GALNT13: variants seen among roughly 807,000 people sequenced by gnomAD.
The protein encoded by GALNT13 is polypeptide N-acetylgalactosaminyltransferase 13.
Under a neutral mutation model 64.2 loss-of-function variants are expected in GALNT13, and 28 were observed. The ratio of observed to expected loss-of-function variants is 0.44; its 90% CI spans 0.32 to 0.60. The LOEUF (loss-of-function observed/expected upper bound fraction) is 0.60. Ranked by LOEUF, GALNT13 falls within the 20% of genes least tolerant of loss-of-function variation. The pLI is 0.05. For missense variants in GALNT13, 577 were observed against 669.8 expected, an observed-to-expected ratio of 0.86 and a Z score of 1.53; for synonymous variants, 214 against 224.6, an observed-to-expected ratio of 0.95 and a Z score of 0.42.
At chr2:153,912,017 C>G (rs1688974491) in intron 2 of GALNT13, among the ~76,000 whole-genome samples, 1 of 152,146 alleles carries the variant, frequency 6.6e-6, no homozygotes, top group South Asian at 2.1e-4. Flanking sequence ...TGCTTCCATT[C>G]TGCTTATCTC....
At chr2:153,101,327 A>C in the GALNT13 span, among the ~76,000 whole-genome samples, 1 of 152,004 alleles carries the variant, frequency 6.6e-6, no homozygotes, top group African/African-American at 2.4e-5. Context: ...TTGCATTTGA[A>C]AAACACACTG....
chr2:153,336,804 G>C, the GALNT13 span, among the ~76,000 whole-genome samples: 3,293 of 152,170 alleles, frequency 0.022, 133 homozygotes, highest in African/African-American at 0.073. Flanking sequence ...TGGTTTGGCT[G>C]TGTCCCCATC....
At chr2:153,380,355 T>A in the GALNT13 span, among the ~76,000 whole-genome samples, 901 of 152,230 alleles carry the variant, frequency 5.9e-3, 11 homozygotes, top group South Asian at 0.026. Context: ...ATGCTTGTAG[T>A]CCCACTGTTC....
chr2:153,073,218 T>A, the GALNT13 span, among the ~76,000 whole-genome samples: 25 of 152,258 alleles, frequency 1.6e-4, no homozygotes, highest in Non-Finnish European at 2.6e-4. Context: ...TGTCAGTAAA[T>A]TTTCAGGTTC....
the GALNT13 span, among the ~76,000 whole-genome samples, chr2:153,238,304 T>C: frequency 3.7e-4 from 57 of 152,232 alleles, no homozygotes; most frequent in African/African-American, 1.2e-3. Context: ...TTTTTGATCA[T>C]TTATTTGCTG....
At chr2:153,317,876 AT>A in the GALNT13 span, among the ~76,000 whole-genome samples, 4 of 150,734 alleles carry the variant, frequency 2.7e-5, no homozygotes, top group African/African-American at 4.9e-5. Context: ...GAAAGAGAGA[AT>A]TTTTTTTTTC....
chr2:153,721,069 G>A, the GALNT13 span, among the ~76,000 whole-genome samples: 8 of 150,020 alleles, frequency 5.3e-5, no homozygotes, highest in Admixed American at 6.6e-5. Flanking sequence ...GAGAAAGGTC[G>A]GGTTACCCAC....
chr2:153,394,517 A>G, the GALNT13 span, among the ~76,000 whole-genome samples: 3 of 152,130 alleles, frequency 2.0e-5, no homozygotes, highest in Non-Finnish European at 4.4e-5. Flanking sequence ...ATGCTAATTC[A>G]TCCTCACTTC....
chr2:154,336,565 A>T (rs1695457485), intron 9 of GALNT13, among the ~76,000 whole-genome samples: 1 of 152,154 alleles, frequency 6.6e-6, no homozygotes. Flanking sequence ...GTTATATTTA[A>T]ATAATCCTTT....
intron 8 of GALNT13, among the ~76,000 whole-genome samples, chr2:154,297,264 A>G (rs577977739): frequency 6.6e-6 from 1 of 152,324 alleles, no homozygotes; most frequent in East Asian, 1.9e-4. Context: ...TGAAAGCAGC[A>G]AGACAATTAA....
In GALNT13 at chr2:154,246,044, G is replaced by T. The variant is rs1689766356; in HGVS notation, c.857+62G>T. On this transcript the variant is annotated intron_variant, in intron 7 of 12. Transcript: ENST00000392825. ...CCCCTAAAAATTAAGGAATATTATA[G>T]ATTTCTGTTCTAATGTTTAATTATT... 20 of 1,136,120 alleles carry T rather than the reference G, an allele frequency of 1.8e-5. No homozygotes were observed. In the South Asian group the frequency reaches 2.9e-4, roughly 16 times the overall value. The allele number at this position is 1,136,120 out of a possible 1,614,324, so 70.4% of individuals were successfully genotyped here. A position where few individuals can be genotyped will look rare whatever the true frequency, so the allele number is the denominator to read the frequency against.
At chr2:154,429,863 C>A (rs1264758901) in intron 11 of GALNT13, among the ~76,000 whole-genome samples, 1 of 152,142 alleles carries the variant, frequency 6.6e-6, no homozygotes, top group Non-Finnish European at 1.5e-5. Context: ...GGGCCCTTAA[C>A]AATTATGCTG....
intron 9 of GALNT13, among the ~76,000 whole-genome samples, chr2:154,336,956 GTTA>G (rs1168244854): frequency 3.3e-5 from 5 of 152,070 alleles, no homozygotes; most frequent in South Asian, 2.1e-4. Flanking sequence ...CTAAGCAGAA[GTTA>G]TTATAATCAG....
At chr2:154,104,321 G>A (rs535099087) in intron 3 of GALNT13, among the ~76,000 whole-genome samples, 41 of 152,236 alleles carry the variant, frequency 2.7e-4, no homozygotes, top group African/African-American at 7.5e-4. Flanking sequence ...TCTGCCCTCC[G>A]ATGCAAGGAC....
At position 154,033,789 on chromosome 2, in the gene GALNT13, A is replaced by C. The variant is rs539116023; in HGVS notation, c.142+89150A>C. Among the ~76,000 whole-genome samples, 3 of 152,224 alleles carry C rather than the reference A, an allele frequency of 2.0e-5. No homozygotes were observed. In the East Asian group the frequency reaches 5.8e-4, roughly 29 times the overall value. ...CCCATCTCTACTAAAAATACAAAAA[A>C]TTAGCCAGGCATGGTGGCAGGTGCC... On this transcript the variant is annotated intron_variant, in intron 3 of 12. Transcript: ENST00000392825.
chr2:154,256,518 G>A (rs75990251), intron 7 of GALNT13, among the ~76,000 whole-genome samples: 3,199 of 152,282 alleles, frequency 0.021, 83 homozygotes, highest in African/African-American at 0.065. Context: ...ATTTCAGTCA[G>A]CATCTTGGAT....
At chr2:153,437,854 T>G in the GALNT13 span, among the ~76,000 whole-genome samples, 2 of 152,236 alleles carry the variant, frequency 1.3e-5, no homozygotes, top group African/African-American at 4.8e-5. Flanking sequence ...TATGTGTGAA[T>G]TTGATCCTGT....
the GALNT13 span, among the ~76,000 whole-genome samples, chr2:153,170,084 A>C: frequency 6.6e-6 from 1 of 152,218 alleles, no homozygotes; most frequent in African/African-American, 2.4e-5. Flanking sequence ...ATTTACTTTG[A>C]AGATTTAATG....
At chr2:153,385,843 G>T in the GALNT13 span, among the ~76,000 whole-genome samples, 3 of 143,592 alleles carry the variant, frequency 2.1e-5, no homozygotes, top group African/African-American at 7.9e-5. Flanking sequence ...ACACTACTAT[G>T]TACCACTAAA....
Sources: allele counts gnomAD v4.1 joint callset (sites outside exome capture counted in the v4.1 genomes callset), GRCh38; gene constraint gnomAD v4.1.1; transcripts MANE v1.5; gene names NCBI Gene and HGNC (gene_info 2026-07-23, HGNC 2026-07-21).